PCDHGA6: variants seen among roughly 807,000 people sequenced by gnomAD.
The protein encoded by PCDHGA6 is protocadherin gamma-A6.
In PCDHGA6, 41 loss-of-function variants were observed where a neutral mutation model predicts 60.6. The ratio of observed to expected loss-of-function variants is 0.68; its 90% CI spans 0.53 to 0.88. PCDHGA6 has a LOEUF of 0.88. PCDHGA6 is among the 40% of genes least tolerant of loss of function. The pLI is 0.00. For synonymous variants in PCDHGA6, 594 were observed against 524.4 expected (o/e 1.13, Z -1.81); for missense variants, 1,312 against 1,203.0 (o/e 1.09, Z -1.34).
chr5:141,422,568 C>T (rs372115955), intron 1 of PCDHGA6: 91 of 1,613,904 alleles, frequency 5.6e-5, no homozygotes, highest in Non-Finnish European at 7.5e-5. Flanking sequence ...CAGATGACAA[C>T]GATAACCCTC....
chr5:141,491,560 T>C lies in PCDHGA6; in HGVS notation c.2425-3247T>C. 1 of 1,613,986 alleles carries C rather than the reference T, an allele frequency of 6.2e-7. No homozygotes were observed. Among genetic ancestry groups the C allele is most frequent in the Non-Finnish European group, 8.5e-7 (1 of 1,180,026 alleles). ...GCCCACAGACTCGCAGAGCCACTGCTACAGGACGTGCTTTTCACCGGCCTC... is the reference window on the plus strand; with the variant it reads ...GCCCACAGACTCGCAGAGCCACTGCCACAGGACGTGCTTTTCACCGGCCTC... On this transcript the variant is annotated intron_variant, in intron 1 of 3. Coordinates refer to ENST00000517434, the MANE Select transcript of PCDHGA6 (RefSeq NM_018919.3). This position sits in a 1 kb window ranked among gnomAD's most constrained non-coding sequence, Gnocchi z 6.9.
chr5:141,505,468 G>A lies in PCDHGA6; in HGVS notation c.2559G>A (p.Leu853=). 1 of 1,614,212 alleles carries A rather than the reference G, an allele frequency of 6.2e-7. No homozygotes were observed. Among genetic ancestry groups the A allele is most frequent in the Non-Finnish European group, 8.5e-7 (1 of 1,180,020 alleles). The change falls in exon 3 of 4, where the codon TTG becomes TTA. Residue 853 remains leucine (L), a synonymous_variant. Coordinates refer to ENST00000517434, the MANE Select transcript of PCDHGA6 (RefSeq NM_018919.3). The stretch of plus-strand genomic sequence containing the variant: ...CAGAGATGCTGCAAGCCATGATCTT[G>A]GCGTCCGCCAGTGGTAAGTGGTGTC... The part of the protein sequence containing the change: ...FDTEMLQAMI[L]ASASEAADGS...
At position 141,375,210 on chromosome 5, in the gene PCDHGA6, C is replaced by T; in HGVS notation, c.1127C>T (p.Ser376Phe). The change falls in exon 1 of 4, where the codon TCT (serine) becomes TTT (phenylalanine). Residue 376 changes from serine to phenylalanine, a missense_variant. Coordinates refer to ENST00000517434, the MANE Select transcript of PCDHGA6 (RefSeq NM_018919.3). ...CTTTTTCAAGTGTTCGATCGAGACT[C>T]TGGCCTGAATGGCCTGGTAACCTGT... ...IALFQVFDRD[S>F]GLNGLVTCSI... is the part of the protein sequence containing the mutation. The T allele has an allele frequency of 6.2e-7, 1 of 1,614,008 alleles. No homozygotes were observed.
chr5:141,508,737 C>T (rs919094477), intron 3 of PCDHGA6, among the ~76,000 whole-genome samples: 1 of 152,010 alleles, frequency 6.6e-6, no homozygotes, highest in Non-Finnish European at 1.5e-5. Flanking sequence ...CTACACCCCC[C>T]ACCCCGCTCT....
At chr5:141,455,282 A>C (rs1307886349) in intron 1 of PCDHGA6, among the ~76,000 whole-genome samples, 1 of 152,056 alleles carries the variant, frequency 6.6e-6, no homozygotes, top group Non-Finnish European at 1.5e-5. Flanking sequence ...TATTAACATC[A>C]CTTTACATAG....
At chr5:141,382,871 G>C (rs764156663) in intron 1 of PCDHGA6, 22 of 1,520,388 alleles carry the variant, frequency 1.4e-5, no homozygotes, top group Admixed American at 8.9e-5. Flanking sequence ...TCCCGAGATC[G>C]GCGCCTAAGC....
chr5:141,498,437 G>C (rs996627716), intron 2 of PCDHGA6, among the ~76,000 whole-genome samples: 1 of 152,170 alleles, frequency 6.6e-6, no homozygotes, highest in Non-Finnish European at 1.5e-5. Flanking sequence ...GGGATGAAGA[G>C]GAGAGGTTCC....
At chr5:141,502,488 T>A (rs1273845698) in intron 2 of PCDHGA6, among the ~76,000 whole-genome samples, 1 of 152,236 alleles carries the variant, frequency 6.6e-6, no homozygotes, top group Non-Finnish European at 1.5e-5. Context: ...ACACTGGGAC[T>A]CATCTAACGT....
intron 1 of PCDHGA6, chr5:141,418,096 G>A (rs772001018): frequency 6.2e-7 from 1 of 1,614,078 alleles, no homozygotes; most frequent in East Asian, 2.2e-5. Context: ...GCGTAGACGC[G>A]CAGAGCGGGG....
rs368739165 is a variant in PCDHGA6, at chr5:141,376,108, G to A, written c.2025G>A (p.Leu675=). 1.1e-4 allele frequency: 172 copies of A among 1,613,770 alleles called. No individual in the cohort carries two copies. Among genetic ancestry groups the A allele is most frequent in the Middle Eastern group, 1.0e-3 (6 of 5,924 alleles). The change falls in exon 1 of 4, where the codon CTG becomes CTA. Residue 675 remains leucine, a synonymous_variant. Transcript: ENST00000517434. ...GGATCCCCGACATCCTGGCCGACCT[G>A]GGCAGCCTCGAGCCCTCCGCCAAAC... The part of the protein sequence containing the change: ...ADRIPDILAD[L]GSLEPSAKPN...
chr5:141,399,460 G>T (rs1465606526), intron 1 of PCDHGA6: 1 of 1,613,962 alleles, frequency 6.2e-7, no homozygotes, highest in Middle Eastern at 1.6e-4. Flanking sequence ...CAACGATAAC[G>T]CTCCGGTTTT....
Position 141,476,110 on chromosome 5 carries a change from G to A in PCDHGA6, c.2425-18697G>A. ...GACCCCGCTGAGAGGAACTGCTTTT[G>A]AGTGAGATGGTCCCAGAGGCCTGGA... On this transcript the variant is annotated intron_variant, in intron 1 of 3. Transcript: ENST00000517434. The surrounding 1 kb of genome is among the most constrained non-coding windows in gnomAD (Gnocchi z 7.6). 1.9e-6 allele frequency: 3 copies of A among 1,589,382 alleles called. No homozygotes were observed. The highest frequency in any genetic ancestry group is 2.6e-6 in the Non-Finnish European group (3 of 1,170,364).
chr5:141,494,759 C>A (rs776923097), intron 1 of PCDHGA6, 48 bp from the exon 2 acceptor site: 3 of 1,613,886 alleles, frequency 1.9e-6, no homozygotes, highest in Non-Finnish European at 2.5e-6. Context: ...GGGTGACATT[C>A]TAACTTCTCA....
At chr5:141,458,496 A>G (rs905073741) in intron 1 of PCDHGA6, among the ~76,000 whole-genome samples, 1 of 151,694 alleles carries the variant, frequency 6.6e-6, no homozygotes, top group Non-Finnish European at 1.5e-5. Flanking sequence ...CTGCCTGTAC[A>G]TACTGTTTGA....
intron 2 of PCDHGA6, among the ~76,000 whole-genome samples, chr5:141,499,133 T>C (rs1443866975): frequency 6.6e-6 from 1 of 152,184 alleles, no homozygotes; most frequent in East Asian, 1.9e-4. Context: ...GGTCATCCTT[T>C]GGGTGTCTGA....
chr5:141,438,617 TATATATATATATATATATACACAC>T (rs1311176771), intron 1 of PCDHGA6, among the ~76,000 whole-genome samples: 58 of 37,154 alleles, frequency 1.6e-3, no homozygotes, highest in African/African-American at 7.8e-3. Flanking sequence ...TATATATATA[TATATATATATATATATATACACAC>T]ACACACACAC....
Position 141,491,436 on chromosome 5 carries a change from G to A in PCDHGA6, c.2425-3371G>A, listed in dbSNP as rs771884610. ...ACGGGGGTGGAGGGCAGTGCTGCAG[G>A]CGCCAGGACTCACCCTCCCCGGACT... On this transcript the variant is annotated intron_variant, in intron 1 of 3. Coordinates refer to ENST00000517434, the MANE Select transcript of PCDHGA6 (RefSeq NM_018919.3). This position sits in a 1 kb window ranked among gnomAD's most constrained non-coding sequence, Gnocchi z 6.9. 1 of 1,614,070 alleles carries A rather than the reference G, an allele frequency of 6.2e-7. No individual in the cohort carries two copies. The highest frequency in any genetic ancestry group is 8.5e-7 in the Non-Finnish European group (1 of 1,180,034).
chr5:141,405,609 G>A, intron 1 of PCDHGA6: 1 of 562,334 alleles, frequency 1.8e-6, no homozygotes. Context: ...AGAATAACTG[G>A]GACTACAGGC....
intron 1 of PCDHGA6, among the ~76,000 whole-genome samples, chr5:141,401,910 T>A (rs562648950): frequency 2.1e-4 from 32 of 152,336 alleles, no homozygotes; most frequent in African/African-American, 5.3e-4. Flanking sequence ...AATTATTATA[T>A]AAGTTTAAGT....
Sources: allele counts gnomAD v4.1 joint callset (sites outside exome capture counted in the v4.1 genomes callset), GRCh38; gene constraint gnomAD v4.1.1; non-coding constraint Gnocchi (gnomAD v3.1); transcripts MANE v1.5; gene names NCBI Gene and HGNC (gene_info 2026-07-23, HGNC 2026-07-21).